The following PRDM16 variants were observed in gnomAD, a reference collection of about 807,000 sequenced individuals.
The protein encoded by PRDM16 is PR/SET domain 16.
PRDM16 carries 23 observed loss-of-function variants against 110.6 expected under a neutral mutation model. The ratio of observed to expected loss-of-function variants is 0.21; its 90% CI spans 0.15 to 0.29. The LOEUF (loss-of-function observed/expected upper bound fraction) is 0.29. Ranked by LOEUF, PRDM16 falls within the 10% of genes least tolerant of loss-of-function variation. The pLI is 1.00. For synonymous variants in PRDM16, 799 were observed against 781.8 expected, an observed-to-expected ratio of 1.02 and a Z score of -0.37; for missense variants, 1,615 against 1,794.3, an observed-to-expected ratio of 0.90 and a Z score of 1.81.
chr1:3,430,775 G>A, intron 14 of PRDM16, 97 bp from the exon 15 acceptor site: 1 of 1,405,766 alleles, frequency 7.1e-7, no homozygotes, highest in Non-Finnish European at 9.9e-7. Flanking sequence ...GTTGTCGGGG[G>A]AGGCAGTGGG....
At chr1:3,428,034 A>T (rs555992872) in intron 14 of PRDM16, among the ~76,000 whole-genome samples, 6 of 152,150 alleles carry the variant, frequency 3.9e-5, no homozygotes, top group Non-Finnish European at 8.8e-5. Flanking sequence ...CTCCCAGAGT[A>T]AGGCCAGGCG....
At chr1:3,356,910 G>C (rs1642614465) in intron 3 of PRDM16, among the ~76,000 whole-genome samples, 1 of 152,164 alleles carries the variant, frequency 6.6e-6, no homozygotes, top group Non-Finnish European at 1.5e-5. Flanking sequence ...CAGCGGGAGG[G>C]CCGAGTCTCC....
At chr1:3,408,910 G>A (rs1313124219) in intron 8 of PRDM16, among the ~76,000 whole-genome samples, 1 of 146,548 alleles carries the variant, frequency 6.8e-6, no homozygotes, top group Non-Finnish European at 1.5e-5. Context: ...GAGGGTGGGC[G>A]TGTGAGCCAG....
At chr1:3,398,786 GCTGTAC>G (rs540552697) in intron 5 of PRDM16, among the ~76,000 whole-genome samples, 11 of 152,364 alleles carry the variant, frequency 7.2e-5, no homozygotes, top group African/African-American at 2.6e-4. Flanking sequence ...ACAGGTGGAT[GCTGTAC>G]CGCGGCCCAC....
chr1:3,155,610 T>G (rs560894731), intron 1 of PRDM16, among the ~76,000 whole-genome samples: 2 of 152,372 alleles, frequency 1.3e-5, no homozygotes, highest in South Asian at 4.1e-4. Context: ...GGCCGCAGGC[T>G]CCCAGCACGG....
intron 3 of PRDM16, among the ~76,000 whole-genome samples, chr1:3,300,962 G>A (rs760294682): frequency 3.3e-5 from 5 of 152,094 alleles, no homozygotes; most frequent in Non-Finnish European, 7.3e-5. Flanking sequence ...CCGTTTTCTC[G>A]TCTCCACCAA....
chr1:3,235,469 G>T (rs1639518134), intron 2 of PRDM16, among the ~76,000 whole-genome samples: 1 of 152,178 alleles, frequency 6.6e-6, no homozygotes, highest in Non-Finnish European at 1.5e-5. Context: ...TCCACAGAGG[G>T]CCAGAAGCAA....
chr1:3,281,864 T>C (rs919244003), intron 3 of PRDM16, among the ~76,000 whole-genome samples: 1 of 152,208 alleles, frequency 6.6e-6, no homozygotes, highest in Non-Finnish European at 1.5e-5. Flanking sequence ...GCCATCCCTG[T>C]ACCAGGGGGT....
At chr1:3,262,754 A>G (rs1640190235) in intron 3 of PRDM16, among the ~76,000 whole-genome samples, 1 of 152,184 alleles carries the variant, frequency 6.6e-6, no homozygotes, top group African/African-American at 2.4e-5. Flanking sequence ...AGAAAACATG[A>G]GGGTGTGCGA....
intron 1 of PRDM16, among the ~76,000 whole-genome samples, chr1:3,151,837 A>G (rs1030961434): frequency 6.6e-6 from 1 of 152,226 alleles, no homozygotes; most frequent in African/African-American, 2.4e-5. Flanking sequence ...GGAAGTCATC[A>G]CGGACGTTGT....
chr1:3,169,406 G>C (rs1211232793), intron 1 of PRDM16, among the ~76,000 whole-genome samples: 1 of 152,106 alleles, frequency 6.6e-6, no homozygotes, highest in Admixed American at 6.5e-5. Flanking sequence ...CCTCAGGGCC[G>C]GGGGTTGGAA....
chr1:3,149,291 T>C (rs1643734127), intron 1 of PRDM16, among the ~76,000 whole-genome samples: 2 of 152,162 alleles, frequency 1.3e-5, no homozygotes, highest in African/African-American at 4.8e-5. Context: ...CTGAAGAAGA[T>C]GAAGCAGGCA....
chr1:3,346,915 C>T (rs1642374014), intron 3 of PRDM16, among the ~76,000 whole-genome samples: 2 of 152,230 alleles, frequency 1.3e-5, no homozygotes, highest in South Asian at 4.1e-4. Flanking sequence ...CCCTTTCGTG[C>T]TTCCATCTGT....
At chr1:3,091,174 C>T (rs1034572412) in intron 1 of PRDM16, among the ~76,000 whole-genome samples, 2 of 152,222 alleles carry the variant, frequency 1.3e-5, no homozygotes, top group Non-Finnish European at 1.5e-5. Flanking sequence ...CAAGGAGCCA[C>T]CGACCAATAG....
rs533651317 is a variant in PRDM16, at chr1:3,135,128, C to T, written c.38-50997C>T. Among the ~76,000 whole-genome samples, 9 of 152,330 alleles carry T rather than the reference C, an allele frequency of 5.9e-5. No homozygotes were observed. The East Asian group carries it at 9.7e-4, about 16-fold the overall frequency. On this transcript the variant is annotated intron_variant, in intron 1 of 16. Transcript: ENST00000270722. Reference sequence around the variant, plus strand: ...GCTCGCTCTTTATTTTGGGGGGCTGCGGAGCACCCCAGGAAACAGCAAGGC... The same window carrying T: ...GCTCGCTCTTTATTTTGGGGGGCTGTGGAGCACCCCAGGAAACAGCAAGGC...
At chr1:3,418,082 A>G in intron 11 of PRDM16, 85 bp downstream of exon 11, 1 of 1,164,196 alleles carries the variant, frequency 8.6e-7, no homozygotes, top group Non-Finnish European at 1.2e-6. Context: ...CTTCCAGGAA[A>G]AACTCAGAGT....
rs535318130 is a variant in PRDM16, at chr1:3,214,844, G to A, written c.387+28370G>A. On this transcript the variant is annotated intron_variant, in intron 2 of 16. Coordinates refer to ENST00000270722, the MANE Select transcript of PRDM16 (RefSeq NM_022114.4). ...GGTTACAATGAGCTTGATCTTGACCGTTGGGGAGCTGTGGCCCCAGGATGC... is the reference window on the plus strand; with the variant it reads ...GGTTACAATGAGCTTGATCTTGACCATTGGGGAGCTGTGGCCCCAGGATGC... Among the ~76,000 whole-genome samples, 37 of 152,290 alleles carry A rather than the reference G, an allele frequency of 2.4e-4. 1 individual carries two copies. In the South Asian group the frequency reaches 7.1e-3, roughly 29 times the overall value.
At chr1:3,385,023 C>A in intron 3 of PRDM16, 129 bp from the exon 4 acceptor site, 5 of 1,143,592 alleles carry the variant, frequency 4.4e-6, no homozygotes, top group Non-Finnish European at 5.1e-6. Flanking sequence ...GGAGGGTGGG[C>A]TGAGGTCTGG....
intron 3 of PRDM16, among the ~76,000 whole-genome samples, chr1:3,249,077 G>A (rs142620194): frequency 1.9e-4 from 29 of 152,354 alleles, no homozygotes; most frequent in Middle Eastern, 6.8e-3. Flanking sequence ...AGGATATACC[G>A]AGTTCCTGGC....
Sources: gnomAD v4.1 joint callset for allele counts (sites outside exome capture counted in the v4.1 genomes callset) on GRCh38, gnomAD v4.1.1 for gene constraint, MANE v1.5 for transcripts, NCBI Gene and HGNC (gene_info 2026-07-23, HGNC 2026-07-21) for gene names.